Variants in ZNF799 observed in about 807,000 individuals in gnomAD.
ZNF799 encodes zinc finger protein 14.
In ZNF799, 28 loss-of-function variants were observed where a neutral mutation model predicts 41.0. The ratio of observed to expected loss-of-function variants is 0.68; its 90% CI spans 0.51 to 0.94. ZNF799 has a LOEUF of 0.94. Among genes scored for constraint, ZNF799 ranks in the 40% least tolerant of loss-of-function variants. The pLI is 0.00. For missense variants in ZNF799, 716 were observed against 764.3 expected (o/e 0.94, Z 0.74); for synonymous variants, 213 against 252.9 (o/e 0.84, Z 1.50).
chr19:12,396,751 C>CA (rs55920619), intron 1 of ZNF799, among the ~76,000 whole-genome samples: 94,117 of 142,496 alleles, frequency 0.66, 31,031 homozygotes, highest in Non-Finnish European at 0.76. Context: ...TGTGAGCAGC[C>CA]AAAAAAAAAA....
At chr19:12,399,332 T>C (rs1386993845) in intron 1 of ZNF799, among the ~76,000 whole-genome samples, 2 of 152,162 alleles carry the variant, frequency 1.3e-5, no homozygotes, top group Non-Finnish European at 2.9e-5. Context: ...TATAACTTTC[T>C]ACCTTTTAAG....
rs1182354665 is a variant in ZNF799 at position 12,391,344 on chromosome 19, G to C, written c.1054C>G (p.Leu352Val). The C allele has an allele frequency of 3.7e-6, 6 of 1,613,746 alleles. No individual in the cohort carries two copies. The African/African-American group carries it at 8.0e-5, about 22-fold the overall frequency. ...GTGTGAGTTCTTTCATGACTTTTCA[G>C]TGAACTAGGACAATCAAAGCCTTTT... is the stretch of plus-strand genomic sequence containing the variant. ...CGKGFDCPSS[L>V]KSHERTHTGE... The change falls in exon 4 of 4, where the codon CTG (leucine) becomes GTG (valine). Residue 352 changes from leucine to valine, a missense_variant. Around this residue, in one of 2 missense-constraint regions of ZNF799, gnomAD observed 698 missense variants for 713.6 expected, o/e 0.98. Transcript: ENST00000430385.
At chr19:12,407,532 A>G in the ZNF799 span, among the ~76,000 whole-genome samples, 2 of 152,120 alleles carry the variant, frequency 1.3e-5, no homozygotes, top group Non-Finnish European at 2.9e-5. Context: ...ACACAAACAT[A>G]TATACACAAA....
rs777501636 is a variant in ZNF799, at chr19:12,390,719, T to C, written c.1679A>G (p.Tyr560Cys). 9.9e-6 allele frequency: 16 copies of C among 1,613,708 alleles called. No homozygotes were observed. The highest frequency in any genetic ancestry group is 9.9e-5 in the South Asian group (9 of 91,068). Residue 560 changes from tyrosine to cysteine, a missense_variant, in exon 4 of 4, where the codon TAT becomes TGT. By Grantham distance (194) the Tyr-to-Cys change is radical (BLOSUM62 -2). Transcript: ENST00000430385. ...GGCTTTACCACATTGTTGACACTCA[T>C]AGGGTTTCTCTCTCATGTGAATTCT... ...HERIHMREKPYECQQCGKAFT... is the reference protein window; with the variant it reads ...HERIHMREKPCECQQCGKAFT...
chr19:12,405,097 G>A (rs571899051), upstream of ZNF799, among the ~76,000 whole-genome samples: 16 of 152,210 alleles, frequency 1.1e-4, no homozygotes, highest in East Asian at 1.9e-4. Context: ...TCCTGCCCTC[G>A]AACATCAGAC....
rs763863581 is a variant in ZNF799 at position 12,401,102 on chromosome 19, G to C, written c.-32C>G. ...ACTTCCGCGGTGTCCCAGGTCCTCCGGACGGCTCCCGCTGCCAATGCGGGT... is the reference window on the plus strand; with the variant it reads ...ACTTCCGCGGTGTCCCAGGTCCTCCCGACGGCTCCCGCTGCCAATGCGGGT... On this transcript the variant is annotated 5_prime_UTR_variant, in exon 1 of 4. Transcript: ENST00000430385. 2 of 1,613,658 alleles carry C rather than the reference G, an allele frequency of 1.2e-6. No homozygotes were observed. The highest frequency in any genetic ancestry group is 1.7e-6 in the Non-Finnish European group (2 of 1,179,790).
chr19:12,401,766 G>A (rs377539006), upstream of ZNF799, among the ~76,000 whole-genome samples: 1 of 151,706 alleles, frequency 6.6e-6, no homozygotes, highest in Non-Finnish European at 1.5e-5. Flanking sequence ...AGTAGAGGCC[G>A]GGTTTCACCA....
upstream of ZNF799, among the ~76,000 whole-genome samples, chr19:12,405,219 TTA>T (rs3049622): frequency 1.8e-4 from 26 of 147,970 alleles, no homozygotes; most frequent in South Asian, 2.1e-4. Context: ...AAACTCCCAT[TTA>T]TATATATATA....
chr19:12,400,831 A>C, intron 1 of ZNF799: 1 of 638,590 alleles, frequency 1.6e-6, no homozygotes, highest in African/African-American at 1.9e-5. Context: ...GCGGGCGCGG[A>C]GCTGCCCAGA....
chr19:12,407,181 T>C, the ZNF799 span, among the ~76,000 whole-genome samples: 1 of 151,964 alleles, frequency 6.6e-6, no homozygotes, highest in Non-Finnish European at 1.5e-5. Flanking sequence ...GTTAGAAATT[T>C]GGGCTGGCTC....
chr19:12,404,173 G>A (rs1055373146), upstream of ZNF799, among the ~76,000 whole-genome samples: 4 of 151,994 alleles, frequency 2.6e-5, no homozygotes, highest in African/African-American at 9.7e-5. Context: ...CTAACATATG[G>A]TCTATCCTTG....
upstream of ZNF799, among the ~76,000 whole-genome samples, chr19:12,404,442 AT>A (rs1054879047): frequency 6.6e-6 from 1 of 150,460 alleles, no homozygotes; most frequent in Non-Finnish European, 1.5e-5. Flanking sequence ...TTTTATTTTT[AT>A]TTTTTTTTGA....
intron 1 of ZNF799, among the ~76,000 whole-genome samples, chr19:12,396,200 G>A (rs1969891798): frequency 6.6e-6 from 1 of 152,152 alleles, no homozygotes; most frequent in Non-Finnish European, 1.5e-5. Context: ...ATATAATTGA[G>A]ATAAGCCATC....
In ZNF799 at chr19:12,390,904, G is replaced by A. The variant is rs370871709; in HGVS notation, c.1494C>T (p.His498=). 3.1e-6 allele frequency: 5 copies of A among 1,613,912 alleles called. No individual in the cohort carries two copies. In the Admixed American group the frequency reaches 6.7e-5, roughly 22 times the overall value. Residue 498 remains histidine (H), a synonymous_variant, in exon 4 of 4, where the codon CAC becomes CAT. Coordinates refer to ENST00000430385, the MANE Select transcript of ZNF799 (RefSeq NM_001080821.3). ...FQYLSQHRRT[H]TGEKPYECNT... Reference sequence around the variant, plus strand: ...TACACTCATAAGGTTTCTCTCCTGTGTGAGTCCTTCTATGTTGAGAAAGGT... The same window carrying A: ...TACACTCATAAGGTTTCTCTCCTGTATGAGTCCTTCTATGTTGAGAAAGGT...
chr19:12,402,048 A>G (rs1471190177), upstream of ZNF799, among the ~76,000 whole-genome samples: 2 of 152,170 alleles, frequency 1.3e-5, no homozygotes, highest in South Asian at 4.1e-4. Flanking sequence ...CCTCGCTACT[A>G]CTTTTCCCAG....
At position 12,400,956 on chromosome 19, in the gene ZNF799, G is replaced by C. The variant is rs1599609850; in HGVS notation, c.3+112C>G. 5 of 1,595,706 alleles carry C rather than the reference G, an allele frequency of 3.1e-6. No homozygotes were observed. In the East Asian group the frequency reaches 6.7e-5, roughly 21 times the overall value. On this transcript the variant is annotated intron_variant, in intron 1 of 3. Coordinates refer to ENST00000430385, the MANE Select transcript of ZNF799 (RefSeq NM_001080821.3). ...GCCGACCTACGCCAGGGGAACCCGG[G>C]TCCGTAGATCCCGGAGTAGCCCTTG...
the ZNF799 span, among the ~76,000 whole-genome samples, chr19:12,414,576 G>A: frequency 7.2e-5 from 11 of 152,160 alleles, no homozygotes; most frequent in Non-Finnish European, 1.6e-4. Flanking sequence ...GGCTGCTGGC[G>A]ACATGGCCAA....
chr19:12,411,491 C>T, the ZNF799 span, among the ~76,000 whole-genome samples: 16 of 152,268 alleles, frequency 1.1e-4, no homozygotes, highest in East Asian at 3.1e-3. Context: ...TGGTTATCTT[C>T]AAGAGAAAAA....
At chr19:12,400,818 G>C in intron 1 of ZNF799, 1 of 604,724 alleles carries the variant, frequency 1.7e-6, no homozygotes, top group Non-Finnish European at 2.9e-6. Context: ...GAGACGCGAG[G>C]CTGCGGGCGC....
Sources: allele counts gnomAD v4.1 joint callset (sites outside exome capture counted in the v4.1 genomes callset), GRCh38; gene constraint gnomAD v4.1.1; regional missense constraint gnomAD v4.1.1; transcripts MANE v1.5; gene names NCBI Gene and HGNC (gene_info 2026-07-23, HGNC 2026-07-21).